NGEF: variants seen among roughly 807,000 people sequenced by gnomAD.
The protein encoded by NGEF is ephexin-1.
A neutral mutation model predicts 80.9 loss-of-function variants in NGEF; 31 were observed. The ratio of observed to expected loss-of-function variants is 0.38; its 90% CI spans 0.29 to 0.52. The LOEUF (loss-of-function observed/expected upper bound fraction) is 0.52. NGEF is among the 20% of genes least tolerant of loss of function. The probability of loss-of-function intolerance (pLI) is 0.84; values close to 1 mark genes in which losing one functional copy is unlikely to be tolerated. For missense variants in NGEF, 709 were observed against 926.2 expected (o/e 0.77, Z 3.04); for synonymous variants, 371 against 370.2 (o/e 1.00, Z -0.03).
chr2:233,003,951 G>A (rs1695034604), intron 1 of NGEF, among the ~76,000 whole-genome samples: 1 of 152,180 alleles, frequency 6.6e-6, no homozygotes. Context: ...TTAACCAACA[G>A]ACCCAGCATT....
intron 13 of NGEF, 54 bp from the exon 14 acceptor site, chr2:232,881,304 A>G: frequency 1.4e-6 from 2 of 1,404,080 alleles, no homozygotes; most frequent in Non-Finnish European, 2.0e-6. Context: ...CCACCTGCAC[A>G]CTCCCACCAA....
Position 232,879,344 on chromosome 2 carries a change from C to A in NGEF, c.*145G>T. 1 of 753,624 alleles carries A rather than the reference C, an allele frequency of 1.3e-6. No homozygotes were observed. The highest frequency in any genetic ancestry group is 1.8e-5 in the South Asian group (1 of 55,148). The allele number at this position is 753,624 out of a possible 1,614,324, so 46.7% of individuals were successfully genotyped here. A position where few individuals can be genotyped will look rare whatever the true frequency, so the allele number is the denominator to read the frequency against. On this transcript the variant is annotated 3_prime_UTR_variant, in exon 15 of 15. Transcript: ENST00000264051. Reference sequence around the variant, plus strand: ...GGCCAAGACACATGAGCACTCACTGCGTGGGCAGGGATGAGGGCCGGGCAC... The same window carrying A: ...GGCCAAGACACATGAGCACTCACTGAGTGGGCAGGGATGAGGGCCGGGCAC...
In NGEF at chr2:232,883,375, T is replaced by C. The variant is rs1374049431; in HGVS notation, c.1693A>G (p.Ile565Val). 2 of 1,613,160 alleles carry C rather than the reference T, an allele frequency of 1.2e-6. No homozygotes were observed. Among genetic ancestry groups the C allele is most frequent in the South Asian group, 1.1e-5 (1 of 90,924 alleles). Residue 565 changes from isoleucine to valine, a missense_variant, in exon 12 of 15, where the codon ATC (isoleucine) becomes GTC (valine). Transcript: ENST00000264051. ...DQGQTLANVF[I>V]LRLLENADDR... is the part of the protein sequence containing the mutation. ...TCTGCGTTCTCCAGCAGCCGCAGGA[T>C]GAACACGTTGGCCAGCGTCTGGCCC... is the stretch of plus-strand genomic sequence containing the variant.
chr2:233,003,457 C>T (rs984880631), intron 1 of NGEF, among the ~76,000 whole-genome samples: 3 of 152,200 alleles, frequency 2.0e-5, no homozygotes, highest in Non-Finnish European at 4.4e-5. Flanking sequence ...GATGGACCCT[C>T]GGGTATCCGC....
At chr2:232,889,404 A>G (rs1574990299) in intron 8 of NGEF, among the ~76,000 whole-genome samples, 1 of 151,628 alleles carries the variant, frequency 6.6e-6, no homozygotes, top group South Asian at 2.1e-4. Flanking sequence ...ATGGTCCCTG[A>G]CCCGCCACCC....
chr2:232,943,282 CTGT>C (rs1270140830), intron 3 of NGEF, among the ~76,000 whole-genome samples: 1 of 151,698 alleles, frequency 6.6e-6, no homozygotes, highest in African/African-American at 2.4e-5. Flanking sequence ...GCTGAGTTTT[CTGT>C]TAAGAAGTGA....
chr2:232,999,536 C>A (rs1456021078), intron 1 of NGEF, among the ~76,000 whole-genome samples: 1 of 152,230 alleles, frequency 6.6e-6, no homozygotes, highest in Admixed American at 6.5e-5. Flanking sequence ...GCAGCTGCTG[C>A]CATGTGTGAC....
At chr2:232,886,637 T>C (rs1691705741) in intron 9 of NGEF, among the ~76,000 whole-genome samples, 1 of 152,180 alleles carries the variant, frequency 6.6e-6, no homozygotes, top group African/African-American at 2.4e-5. Context: ...AAAAAAGCTA[T>C]TAGAAACAGA....
intron 1 of NGEF, among the ~76,000 whole-genome samples, chr2:233,000,366 G>A (rs915409373): frequency 1.3e-5 from 2 of 152,106 alleles, no homozygotes; most frequent in Middle Eastern, 3.2e-3. Context: ...CAAAGTGCTG[G>A]GATTGCAGGT....
chr2:232,881,628 C>A (rs1201842957), intron 13 of NGEF, among the ~76,000 whole-genome samples: 4 of 152,128 alleles, frequency 2.6e-5, no homozygotes, highest in Non-Finnish European at 4.4e-5. Flanking sequence ...CCTCTGTCAC[C>A]AGGCTGGAGT....
At chr2:232,896,532 G>A (rs567909439) in intron 5 of NGEF, among the ~76,000 whole-genome samples, 5 of 144,986 alleles carry the variant, frequency 3.4e-5, no homozygotes, top group African/African-American at 7.7e-5. Context: ...GGTGAGGGTG[G>A]GGGTGAGGGT....
At chr2:232,883,920 C>G in intron 11 of NGEF, 61 bp downstream of exon 11, 4 of 1,501,652 alleles carry the variant, frequency 2.7e-6, no homozygotes, top group Non-Finnish European at 3.6e-6. Flanking sequence ...CACAATCAAA[C>G]CCAATGCCCA....
At chr2:232,948,249 G>A (rs968868918) in intron 3 of NGEF, among the ~76,000 whole-genome samples, 6 of 151,744 alleles carry the variant, frequency 4.0e-5, no homozygotes, top group South Asian at 2.1e-4. Context: ...AGTGCAGCGC[G>A]AAATGTTGGC....
At chr2:232,906,522 G>C (rs866177351) in intron 5 of NGEF, among the ~76,000 whole-genome samples, 1 of 10,808 alleles carries the variant, frequency 9.3e-5, no homozygotes, top group African/African-American at 3.7e-4. Flanking sequence ...GAGGGAGGTG[G>C]GGGGGTCAGC....
intron 5 of NGEF, among the ~76,000 whole-genome samples, chr2:232,906,997 AGTCATC>A (rs760295785): frequency 1.3e-5 from 2 of 151,062 alleles, no homozygotes; most frequent in Non-Finnish European, 3.0e-5. Context: ...GCTCGTTAAG[AGTCATC>A]ACCACTCCCT....
At chr2:232,987,228 G>A (rs1433319065) in intron 1 of NGEF, among the ~76,000 whole-genome samples, 1 of 151,992 alleles carries the variant, frequency 6.6e-6, no homozygotes, top group African/African-American at 2.4e-5. Context: ...ATGTTGTCCA[G>A]GTTGGTCTTG....
At chr2:232,927,930 C>A (rs1190552870) in intron 3 of NGEF, 8 of 1,341,572 alleles carry the variant, frequency 6.0e-6, no homozygotes, top group Non-Finnish European at 7.7e-6. Flanking sequence ...TCGCGCGCGT[C>A]GCTTTCCGAG....
At chr2:232,933,362 T>G (rs1364887913) in intron 3 of NGEF, among the ~76,000 whole-genome samples, 1 of 152,078 alleles carries the variant, frequency 6.6e-6, no homozygotes, top group Non-Finnish European at 1.5e-5. Context: ...AGGAGCCAAG[T>G]AGAACTTGGG....
intron 1 of NGEF, among the ~76,000 whole-genome samples, chr2:233,008,848 C>T (rs1450492956): frequency 2.0e-5 from 3 of 150,118 alleles, no homozygotes; most frequent in African/African-American, 7.4e-5. Context: ...GTGGCCCAGG[C>T]TTAGTGCAGT....
Sources: gnomAD v4.1 joint callset for allele counts (sites outside exome capture counted in the v4.1 genomes callset) on GRCh38, gnomAD v4.1.1 for gene constraint, MANE v1.5 for transcripts, NCBI Gene and HGNC (gene_info 2026-07-23, HGNC 2026-07-21) for gene names.